The following RBM6 variants were observed in gnomAD, a reference collection of about 807,000 sequenced individuals.
RBM6 encodes the protein RNA binding motif protein 6.
Under a neutral mutation model 140.4 loss-of-function variants are expected in RBM6, and 23 were observed. The ratio of observed to expected loss-of-function variants is 0.16; its 90% CI spans 0.12 to 0.23. The LOEUF (loss-of-function observed/expected upper bound fraction) is 0.23, where lower values mean the gene tolerates loss of function less well. Ranked by LOEUF, RBM6 falls within the 10% of genes least tolerant of loss-of-function variation. The pLI is 1.00. For missense variants in RBM6, 1,139 were observed against 1,386.7 expected (o/e 0.82, Z 2.84); for synonymous variants, 439 against 475.6 (o/e 0.92, Z 1.00).
At chr3:50,041,200 T>G (rs567391835) in intron 6 of RBM6, among the ~76,000 whole-genome samples, 95 of 152,332 alleles carry the variant, frequency 6.2e-4, no homozygotes, top group Non-Finnish European at 1.0e-3. Context: ...TTCATGCCCC[T>G]CAACCTTACA....
intron 18 of RBM6, among the ~76,000 whole-genome samples, chr3:50,069,342 A>G (rs972251882): frequency 6.6e-6 from 1 of 151,904 alleles, no homozygotes; most frequent in African/African-American, 2.4e-5. Flanking sequence ...GCGAAATCCT[A>G]TCTCTACAAA....
chr3:49,958,573 CA>C (rs1426411860), intron 1 of RBM6, among the ~76,000 whole-genome samples: 1 of 129,052 alleles, frequency 7.7e-6, no homozygotes, highest in Admixed American at 7.7e-5. Flanking sequence ...GACTCTGTCT[CA>C]AAAACAAAAA....
chr3:50,049,605 T>C (rs1363150863), intron 7 of RBM6, among the ~76,000 whole-genome samples: 2 of 152,116 alleles, frequency 1.3e-5, no homozygotes, highest in Non-Finnish European at 2.9e-5. Flanking sequence ...TCGGTAGAAT[T>C]GACATTGTGT....
At chr3:50,022,298 T>G (rs952133164) in intron 6 of RBM6, among the ~76,000 whole-genome samples, 1 of 151,974 alleles carries the variant, frequency 6.6e-6, no homozygotes, top group Admixed American at 6.6e-5. Flanking sequence ...ATGTTGCTAG[T>G]GTAGTGAAGA....
At chr3:50,034,152 T>C (rs920985500) in intron 6 of RBM6, among the ~76,000 whole-genome samples, 1 of 151,480 alleles carries the variant, frequency 6.6e-6, no homozygotes, top group East Asian at 1.9e-4. Flanking sequence ...CTCAGCTAAT[T>C]TTTGTGTTTT....
chr3:49,963,446 T>C (rs1005008960), intron 2 of RBM6, among the ~76,000 whole-genome samples: 12 of 152,164 alleles, frequency 7.9e-5, no homozygotes, highest in African/African-American at 2.9e-4. Flanking sequence ...TTTATTTCTT[T>C]TTGTCTCTTA....
chr3:49,961,884 G>A (rs995547100), intron 1 of RBM6, among the ~76,000 whole-genome samples: 5 of 151,834 alleles, frequency 3.3e-5, no homozygotes, highest in South Asian at 2.1e-4. Flanking sequence ...AGCTGGATGC[G>A]GTGGCTCATG....
chr3:50,019,955 G>C (rs572172123), intron 6 of RBM6, among the ~76,000 whole-genome samples: 4 of 145,920 alleles, frequency 2.7e-5, no homozygotes, highest in Admixed American at 2.1e-4. Context: ...GTCTCACTCT[G>C]TTGCCCAGGC....
chr3:50,004,002 C>G (rs932744661), intron 6 of RBM6, among the ~76,000 whole-genome samples: 2 of 152,198 alleles, frequency 1.3e-5, no homozygotes, highest in East Asian at 1.9e-4. Context: ...TGCCCTTGCA[C>G]TGGGACTTGG....
intron 6 of RBM6, among the ~76,000 whole-genome samples, chr3:50,030,415 C>G (rs997260323): frequency 1.3e-5 from 2 of 151,788 alleles, no homozygotes; most frequent in African/African-American, 4.8e-5. Context: ...AGTAGGACCT[C>G]TAGAAATACA....
chr3:49,984,618 ATCGCATCGCATCG>A (rs1559552759), intron 5 of RBM6, among the ~76,000 whole-genome samples: 6,122 of 148,660 alleles, frequency 0.041, 426 homozygotes, highest in African/African-American at 0.13. Context: ...ATCACATCGC[ATCGCATCGCATCG>A]CATCGCATCG....
At chr3:49,956,113 T>C (rs1396503436) in intron 1 of RBM6, among the ~76,000 whole-genome samples, 4 of 151,424 alleles carry the variant, frequency 2.6e-5, no homozygotes, top group African/African-American at 9.7e-5. Flanking sequence ...TCACTGCAAC[T>C]TTGGGCTCAA....
At chr3:50,001,331 G>A (rs1318886488) in intron 6 of RBM6, among the ~76,000 whole-genome samples, 2 of 152,066 alleles carry the variant, frequency 1.3e-5, no homozygotes, top group Non-Finnish European at 2.9e-5. Flanking sequence ...TTAGCCAAGT[G>A]TGGTGGCTAT....
chr3:50,059,230 A>G (rs2089841489), intron 10 of RBM6: 1 of 153,196 alleles, frequency 6.5e-6, no homozygotes, highest in Admixed American at 6.5e-5. Flanking sequence ...TTTTCCTCAA[A>G]GTATTTATAG....
intron 15 of RBM6, among the ~76,000 whole-genome samples, chr3:50,063,992 T>C (rs1309007960): frequency 1.3e-5 from 2 of 151,640 alleles, no homozygotes; most frequent in Non-Finnish European, 2.9e-5. Flanking sequence ...TGCAGTGGCG[T>C]GATCTATCTC....
In RBM6 at chr3:50,054,336, G is replaced by T; in HGVS notation, c.1634G>T (p.Cys545Phe). 6.2e-7 allele frequency: 1 copy of T among 1,610,050 alleles called. No individual in the cohort carries two copies. Among genetic ancestry groups the T allele is most frequent in the South Asian group, 1.1e-5 (1 of 90,988 alleles). ...AATTGATTTCCTTCTTCCTTACAGTGTAAGGCAAACATTGGTGGGCACCGA... is the reference window on the plus strand; with the variant it reads ...AATTGATTTCCTTCTTCCTTACAGTTTAAGGCAAACATTGGTGGGCACCGA... ...SSLDFWYCKRCKANIGGHRSS... is the reference protein window; with the variant it reads ...SSLDFWYCKRFKANIGGHRSS... The change falls in exon 8 of 21, where the codon TGT becomes TTT. Residue 545 changes from cysteine (C) to phenylalanine (F), a missense_variant and splice_region_variant. By Grantham distance (205) the Cys-to-Phe change is radical. Around this residue, in one of 9 missense-constraint regions of RBM6, gnomAD observed 58 missense variants for 99.7 expected, o/e 0.58. Coordinates refer to ENST00000266022, the MANE Select transcript of RBM6 (RefSeq NM_005777.3).
intron 7 of RBM6, among the ~76,000 whole-genome samples, chr3:50,050,307 T>C (rs1345753956): frequency 1.3e-5 from 2 of 152,246 alleles, no homozygotes; most frequent in Non-Finnish European, 2.9e-5. Context: ...TTCATATAAA[T>C]GGAATCAAAA....
At chr3:49,988,924 G>A (rs1209389966) in intron 5 of RBM6, among the ~76,000 whole-genome samples, 1 of 151,422 alleles carries the variant, frequency 6.6e-6, no homozygotes, top group Non-Finnish European at 1.5e-5. Context: ...TCCAACCTGG[G>A]TGACAGAGTG....
In RBM6 at chr3:49,968,020, G is replaced by A. The variant is rs1407213777; in HGVS notation, c.595G>A (p.Asp199Asn). Reference sequence around the variant, plus strand: ...ATCCCATGCAGATTTTAGGGGAAGGGATTTATCAGATTTGGATTTTAGGGC... The same window carrying A: ...ATCCCATGCAGATTTTAGGGGAAGGAATTTATCAGATTTGGATTTTAGGGC... ...DGSHADFRGR[D>N]LSDLDFRARE... Residue 199 changes from aspartate (D) to asparagine (N), a missense_variant, in exon 3 of 21, where the codon GAT (aspartate) becomes AAT (asparagine). Physicochemically the swap from Asp to Asn is conservative, Grantham distance 23. This residue lies in a region of RBM6 where 566 missense variants were observed against 612.7 expected (regional missense o/e 0.92). Coordinates refer to ENST00000266022, the MANE Select transcript of RBM6 (RefSeq NM_005777.3). 45 of 1,614,026 alleles carry A rather than the reference G, an allele frequency of 2.8e-5. No individual in the cohort carries two copies. The highest frequency in any genetic ancestry group is 3.4e-5 in the Non-Finnish European group (40 of 1,180,046).
Sources: gnomAD v4.1 joint callset for allele counts (sites outside exome capture counted in the v4.1 genomes callset) on GRCh38, gnomAD v4.1.1 for gene constraint, gnomAD v4.1.1 regional missense constraint, MANE v1.5 for transcripts, NCBI Gene and HGNC (gene_info 2026-07-23, HGNC 2026-07-21) for gene names.